PCNX1: variants seen among roughly 807,000 people sequenced by gnomAD.
PCNX1 encodes the protein pecanex 1.
Under a neutral mutation model 242.2 loss-of-function variants are expected in PCNX1, and 78 were observed. The observed-to-expected ratio is 0.32, with a 90% CI of 0.27 to 0.39. The LOEUF is 0.39. PCNX1 is among the 10% of genes least tolerant of loss of function. The pLI, the probability that PCNX1 is intolerant of heterozygous loss-of-function variation, is 1.00. For missense variants in PCNX1, 2,581 were observed against 2,856.5 expected, an observed-to-expected ratio of 0.90 and a Z score of 2.20; for synonymous variants, 1,024 against 1,032.9, an observed-to-expected ratio of 0.99 and a Z score of 0.17.
chr14:71,107,234 G>A (rs2062650750), intron 33 of PCNX1, among the ~76,000 whole-genome samples: 1 of 151,952 alleles, frequency 6.6e-6, no homozygotes, highest in African/African-American at 2.4e-5. Context: ...TAAATGTAAA[G>A]ACATTTATTA....
At chr14:70,986,473 A>G (rs924614473) in intron 6 of PCNX1, among the ~76,000 whole-genome samples, 1 of 152,232 alleles carries the variant, frequency 6.6e-6, no homozygotes, top group Non-Finnish European at 1.5e-5. Context: ...TTAAGAAACC[A>G]AGAAACATTT....
chr14:70,921,707 A>G (rs2056382712), intron 1 of PCNX1, among the ~76,000 whole-genome samples: 1 of 152,170 alleles, frequency 6.6e-6, no homozygotes, highest in South Asian at 2.1e-4. Context: ...AATGTATAAG[A>G]AAATTGAAAG....
chr14:71,074,368 G>A (rs1237439421), intron 27 of PCNX1, among the ~76,000 whole-genome samples: 1 of 152,176 alleles, frequency 6.6e-6, no homozygotes, highest in Non-Finnish European at 1.5e-5. Flanking sequence ...ACCACTCATA[G>A]GGTAAGTTGC....
At chr14:71,025,247 T>C (rs1004478734) in intron 13 of PCNX1, among the ~76,000 whole-genome samples, 2 of 152,216 alleles carry the variant, frequency 1.3e-5, no homozygotes, top group African/African-American at 4.8e-5. Context: ...AGTATTTATT[T>C]TGATGCTCAA....
chr14:70,974,326 G>T (rs1286193906), intron 5 of PCNX1, among the ~76,000 whole-genome samples: 6 of 149,952 alleles, frequency 4.0e-5, no homozygotes, highest in African/African-American at 1.2e-4. Flanking sequence ...GTAGAGATGG[G>T]GTTTCACCAT....
At chr14:71,037,130 A>T (rs2060561269) in intron 19 of PCNX1, among the ~76,000 whole-genome samples, 1 of 151,858 alleles carries the variant, frequency 6.6e-6, no homozygotes, top group African/African-American at 2.4e-5. Flanking sequence ...ATTTTTGCAC[A>T]TTGATTTTGT....
At chr14:70,947,855 T>C (rs2140311387) in intron 2 of PCNX1, among the ~76,000 whole-genome samples, 1 of 152,298 alleles carries the variant, frequency 6.6e-6, no homozygotes, top group East Asian at 1.9e-4. Flanking sequence ...GAATTCTTTT[T>C]CTTAGCAAGG....
intron 7 of PCNX1, among the ~76,000 whole-genome samples, chr14:70,994,062 A>T (rs1183540100): frequency 6.6e-6 from 1 of 152,078 alleles, no homozygotes; most frequent in East Asian, 1.9e-4. Flanking sequence ...ACATTTGTAG[A>T]CTTAGTTTTT....
chr14:71,100,700 T>C (rs2062439624), intron 30 of PCNX1, among the ~76,000 whole-genome samples: 1 of 152,184 alleles, frequency 6.6e-6, no homozygotes. Flanking sequence ...GTTGTTTACT[T>C]TTCCACCTCC....
chr14:70,935,250 A>G (rs1001249504), intron 1 of PCNX1, among the ~76,000 whole-genome samples: 1 of 152,210 alleles, frequency 6.6e-6, no homozygotes, highest in Non-Finnish European at 1.5e-5. Flanking sequence ...CAGTGCTCTT[A>G]AAAAAGAAAT....
At position 70,966,260 on chromosome 14, in the gene PCNX1, A is replaced by G. The variant is rs115974278; in HGVS notation, c.469-1938A>G. ...TTAAGAATGTTTTTGTCAACAAGTA[A>G]TAGAATACTCAACTAATAGTGACTT... On this transcript the variant is annotated intron_variant, in intron 3 of 35. Coordinates refer to ENST00000304743, the MANE Select transcript of PCNX1 (RefSeq NM_014982.3). 3.1e-3 allele frequency among the ~76,000 whole-genome samples: 472 copies of G among 152,320 alleles called. 5 individuals are homozygous for G. Among genetic ancestry groups the G allele is most frequent in the African/African-American group, 0.011 (453 of 41,564 alleles).
chr14:70,912,250 A>G (rs910660974), intron 1 of PCNX1, among the ~76,000 whole-genome samples: 1 of 152,052 alleles, frequency 6.6e-6, no homozygotes, highest in African/African-American at 2.4e-5. Context: ...AAAAAAGAAA[A>G]AAGAAAAAAA....
intron 8 of PCNX1, among the ~76,000 whole-genome samples, chr14:71,000,862 G>A (rs1190186933): frequency 6.6e-6 from 1 of 151,986 alleles, no homozygotes. Flanking sequence ...ATAATGTTTT[G>A]TCACTTAGAT....
intron 1 of PCNX1, among the ~76,000 whole-genome samples, chr14:70,923,848 C>T (rs1030241755): frequency 3.3e-5 from 5 of 152,126 alleles, no homozygotes; most frequent in Non-Finnish European, 7.4e-5. Context: ...TTTGCACAGT[C>T]ATTTCACATG....
chr14:71,011,501 T>G lies in PCNX1; in HGVS notation c.2730T>G (p.Asp910Glu). Residue 910 changes from aspartate (D) to glutamate (E), a missense_variant, in exon 10 of 36, where the codon GAT becomes GAG. Around this residue, in one of 9 missense-constraint regions of PCNX1, gnomAD observed 1,204 missense variants for 1,216.7 expected, o/e 0.99. Transcript: ENST00000304743. ...ARRASNICDT[D>E]SHVSSSTSVR... The stretch of plus-strand genomic sequence containing the variant: ...TTTTATTTTATTTTAGTGACACAGA[T>G]TCTCATGTATCCAGTTCTACCTCAG... 1.3e-6 allele frequency: 2 copies of G among 1,562,204 alleles called. No homozygotes were observed. Among genetic ancestry groups the G allele is most frequent in the Non-Finnish European group, 1.8e-6 (2 of 1,135,026 alleles).
intron 2 of PCNX1, among the ~76,000 whole-genome samples, chr14:70,949,037 T>TAC (rs1458619985): frequency 6.8e-5 from 10 of 146,766 alleles, no homozygotes; most frequent in African/African-American, 2.5e-4. Flanking sequence ...TGTGTATATA[T>TAC]ACACATGTAT....
At chr14:70,912,234 C>CA (rs368805380) in intron 1 of PCNX1, among the ~76,000 whole-genome samples, 5,932 of 107,376 alleles carry the variant, frequency 0.055, 362 homozygotes, top group African/African-American at 0.18. Flanking sequence ...GACTCTGTCT[C>CA]AAAAAAAAAA....
chr14:71,089,058 GT>G lies in PCNX1; in HGVS notation c.5439-132del. ...CTGTCTCTTGTGATTCTGGTTCAGG[GT>G]TCTGACATTAGTTCCTGGAATCTGT... On this transcript the variant is annotated intron_variant, in intron 29 of 35. Transcript: ENST00000304743. The G allele has an allele frequency of 4.7e-6, 3 of 641,782 alleles. 1 individual carries two copies. The highest frequency in any genetic ancestry group is 7.8e-6 in the Non-Finnish European group (3 of 382,192). The allele number at this position is 641,782 out of a possible 1,614,324, so 39.8% of individuals were successfully genotyped here.
At chr14:71,024,032 A>T (rs188651763) in intron 13 of PCNX1, among the ~76,000 whole-genome samples, 1 of 152,268 alleles carries the variant, frequency 6.6e-6, no homozygotes, top group East Asian at 1.9e-4. Flanking sequence ...TTTTGACGTA[A>T]TTTCAAACTT....
Sources: gnomAD v4.1 joint callset for allele counts (sites outside exome capture counted in the v4.1 genomes callset) on GRCh38, gnomAD v4.1.1 for gene constraint, gnomAD v4.1.1 regional missense constraint, MANE v1.5 for transcripts, NCBI Gene and HGNC (gene_info 2026-07-23, HGNC 2026-07-21) for gene names.